Variants in SFMBT1 observed in about 807,000 individuals in gnomAD.
SFMBT1 encodes the protein Scm like with four mbt domains 1.
A neutral mutation model predicts 108.7 loss-of-function variants in SFMBT1; 32 were observed. The observed-to-expected ratio is 0.29, with a 90% CI of 0.22 to 0.40. SFMBT1 has a LOEUF of 0.40. Among genes scored for constraint, SFMBT1 ranks in the 10% least tolerant of loss-of-function variants. The probability of loss-of-function intolerance (pLI) is 1.00; values close to 1 mark genes in which losing one functional copy is unlikely to be tolerated. For missense variants in SFMBT1, 816 were observed against 1,059.6 expected (o/e 0.77, Z 3.19); for synonymous variants, 348 against 369.5 (o/e 0.94, Z 0.67).
In SFMBT1 at chr3:52,994,535, T is replaced by A. The variant is rs183238103; in HGVS notation, c.-130-25277A>T. On this transcript the variant is annotated intron_variant, in intron 1 of 20. Coordinates refer to ENST00000394752, the MANE Select transcript of SFMBT1 (RefSeq NM_016329.4). ...TGTTTTTTGAGACGGAGTCTCGCTC[T>A]GTGGCCCAGGCTGGAATGCAGTGGG... 4.0e-3 allele frequency among the ~76,000 whole-genome samples: 605 copies of A among 150,602 alleles called. 31 individuals are homozygous for A. The highest frequency in any genetic ancestry group is 6.9e-4 in the Non-Finnish European group (46 of 67,120).
At chr3:52,989,827 C>G (rs991874089) in intron 1 of SFMBT1, among the ~76,000 whole-genome samples, 1 of 151,948 alleles carries the variant, frequency 6.6e-6, no homozygotes, top group Non-Finnish European at 1.5e-5. Context: ...ATAGTGTTTA[C>G]ATAATGTATA....
chr3:52,958,172 AAAG>A (rs1222930780), intron 2 of SFMBT1, among the ~76,000 whole-genome samples: 2 of 152,234 alleles, frequency 1.3e-5, no homozygotes, highest in Non-Finnish European at 2.9e-5. Context: ...ACACCTTACA[AAAG>A]AAGACATTTA....
chr3:53,022,697 T>C (rs2106945088), intron 1 of SFMBT1, among the ~76,000 whole-genome samples: 2 of 152,282 alleles, frequency 1.3e-5, no homozygotes, highest in South Asian at 4.1e-4. Flanking sequence ...TTCTATGAGG[T>C]ACCTAAAGTA....
In SFMBT1 at chr3:52,951,032, G is replaced by T. The variant is rs181303834; in HGVS notation, c.123+3285C>A. On this transcript the variant is annotated intron_variant, in intron 3 of 20. Coordinates refer to ENST00000394752, the MANE Select transcript of SFMBT1 (RefSeq NM_016329.4). ...TCAGCTACTCTGGAGGCTGAGGCAG[G>T]AGGACTGCTTGAGCCTGAAGCTGCA... Among the ~76,000 whole-genome samples the T allele has an allele frequency of 4.0e-3, 593 of 148,746 alleles. 2 individuals carry two copies. Among genetic ancestry groups the T allele is most frequent in the Non-Finnish European group, 7.3e-3 (490 of 67,560 alleles).
rs144695619 is a variant in SFMBT1, at chr3:53,032,712, C to G, written c.-131+13104G>C. On this transcript the variant is annotated intron_variant, in intron 1 of 20. Coordinates refer to ENST00000394752, the MANE Select transcript of SFMBT1 (RefSeq NM_016329.4). ...TGTCTACTCTGTGCTAGGTTGTGTG[C>G]AAGGTACTAACTAGGAATAAAACAG... Among the ~76,000 whole-genome samples, 537 of 152,242 alleles carry G rather than the reference C, an allele frequency of 3.5e-3. 2 individuals are homozygous for G. Among genetic ancestry groups the G allele is most frequent in the South Asian group, 8.1e-3 (39 of 4,814 alleles).
chr3:53,037,357 T>A (rs372459546), intron 1 of SFMBT1, among the ~76,000 whole-genome samples: 1 of 152,184 alleles, frequency 6.6e-6, no homozygotes, highest in South Asian at 2.1e-4. Context: ...AGGAGCCCAA[T>A]TGAATACTTA....
At chr3:52,916,011 T>C (rs1356204395) in intron 14 of SFMBT1, 139 bp downstream of exon 14, 14 of 634,674 alleles carry the variant, frequency 2.2e-5, no homozygotes, top group East Asian at 1.6e-4. Flanking sequence ...TAGACAGTTA[T>C]AACTCTAAAG....
intron 11 of SFMBT1, 89 bp downstream of exon 11, chr3:52,921,616 C>T (rs151001784): frequency 7.3e-7 from 1 of 1,366,472 alleles, no homozygotes; most frequent in East Asian, 2.4e-5. Flanking sequence ...TTAACTAATC[C>T]ATTAAGTTTA....
Position 52,943,368 on chromosome 3 carries a change from G to C in SFMBT1, c.349C>G (p.Leu117Val). The change falls in exon 4 of 21, where the codon CTT (leucine) becomes GTT (valine). Residue 117 changes from leucine (L) to valine (V), a missense_variant. Coordinates refer to ENST00000394752, the MANE Select transcript of SFMBT1 (RefSeq NM_016329.4). ...ATTTCATTACCTTCTGGGGCTTCAA[G>C]GGTCTTCTTATTCTGCTCACACCAC... is the stretch of plus-strand genomic sequence containing the variant. ...IGWCEQNKKT[L>V]EAPEGIRDKV... 3.7e-6 allele frequency: 6 copies of C among 1,614,140 alleles called. No individual in the cohort carries two copies. Among genetic ancestry groups the C allele is most frequent in the Non-Finnish European group, 4.2e-6 (5 of 1,180,004 alleles).
intron 1 of SFMBT1, among the ~76,000 whole-genome samples, chr3:52,987,881 A>G (rs1704983024): frequency 6.6e-6 from 1 of 152,228 alleles, no homozygotes; most frequent in Non-Finnish European, 1.5e-5. Flanking sequence ...ACACATTTTT[A>G]AATTAAAACA....
intron 1 of SFMBT1, among the ~76,000 whole-genome samples, chr3:53,028,998 C>T (rs1023188755): frequency 1.3e-5 from 2 of 151,920 alleles, no homozygotes; most frequent in African/African-American, 4.8e-5. Flanking sequence ...CGGTGAAACC[C>T]CGTCTCTTCT....
Position 53,025,288 on chromosome 3 carries a change from T to C in SFMBT1, c.-131+20528A>G, listed in dbSNP as rs532668440. 1.1e-4 allele frequency among the ~76,000 whole-genome samples: 17 copies of C among 152,310 alleles called. No homozygotes were observed. The South Asian group carries it at 3.3e-3, about 30-fold the overall frequency. On this transcript the variant is annotated intron_variant, in intron 1 of 20. Coordinates refer to ENST00000394752, the MANE Select transcript of SFMBT1 (RefSeq NM_016329.4). ...AGGTAACAAAGCCCAGATATATAAATGAAGCCTGGTCATTCTTCAAGCATC... is the reference window on the plus strand; with the variant it reads ...AGGTAACAAAGCCCAGATATATAAACGAAGCCTGGTCATTCTTCAAGCATC...
chr3:53,015,313 T>C (rs1387613741), intron 1 of SFMBT1, among the ~76,000 whole-genome samples: 1 of 151,688 alleles, frequency 6.6e-6, no homozygotes. Flanking sequence ...ACAAGTGCTG[T>C]CAAGGATGTG....
chr3:52,924,166 CAA>C (rs966530582), intron 10 of SFMBT1, among the ~76,000 whole-genome samples: 1 of 151,704 alleles, frequency 6.6e-6, no homozygotes, highest in East Asian at 1.9e-4. Context: ...TATACAGTGT[CAA>C]AAAAAATTTA....
intron 2 of SFMBT1, among the ~76,000 whole-genome samples, chr3:52,954,635 T>A (rs181317158): frequency 8.5e-5 from 13 of 152,326 alleles, no homozygotes; most frequent in African/African-American, 2.9e-4. Flanking sequence ...CAGTTTGACA[T>A]GCTATCTCTT....
intron 1 of SFMBT1, among the ~76,000 whole-genome samples, chr3:52,996,792 G>A (rs967864091): frequency 2.7e-5 from 4 of 150,336 alleles, no homozygotes; most frequent in African/African-American, 9.7e-5. Flanking sequence ...AACACAGGCC[G>A]GGCACGGTGG....
chr3:53,031,972 C>T (rs1699701977), intron 1 of SFMBT1, among the ~76,000 whole-genome samples: 1 of 152,026 alleles, frequency 6.6e-6, no homozygotes, highest in African/African-American at 2.4e-5. Flanking sequence ...CTAAGAAAAT[C>T]AATGGTGAGA....
At chr3:53,024,154 G>T (rs1699406163) in intron 1 of SFMBT1, among the ~76,000 whole-genome samples, 1 of 152,216 alleles carries the variant, frequency 6.6e-6, no homozygotes, top group African/African-American at 2.4e-5. Flanking sequence ...GATATGAAAT[G>T]TTGGAGAAGG....
intron 10 of SFMBT1, among the ~76,000 whole-genome samples, chr3:52,922,941 G>A (rs1031616314): frequency 3.9e-5 from 6 of 152,288 alleles, no homozygotes; most frequent in African/African-American, 1.4e-4. Flanking sequence ...GATATGATAA[G>A]CCCAGGAAGA....
Sources: gnomAD v4.1 joint callset for allele counts (sites outside exome capture counted in the v4.1 genomes callset) on GRCh38, gnomAD v4.1.1 for gene constraint, MANE v1.5 for transcripts, NCBI Gene and HGNC (gene_info 2026-07-23, HGNC 2026-07-21) for gene names.